Variants in MTUS2 observed in about 807,000 individuals in gnomAD.
The protein encoded by MTUS2 is microtubule-associated tumor suppressor candidate 2.
Under a neutral mutation model 114.1 loss-of-function variants are expected in MTUS2, and 40 were observed. The observed-to-expected ratio is 0.35, with a 90% CI of 0.27 to 0.46. The LOEUF is 0.46. MTUS2 is among the 20% of genes least tolerant of loss of function. MTUS2 has a pLI of 1.00. For missense variants in MTUS2, 1,679 were observed against 1,705.4 expected (o/e 0.98, Z 0.27); for synonymous variants, 688 against 672.0 (o/e 1.02, Z -0.37).
intron 8 of MTUS2, among the ~76,000 whole-genome samples, chr13:29,406,375 TG>T (rs1318549705): frequency 6.6e-6 from 1 of 152,156 alleles, no homozygotes; most frequent in Non-Finnish European, 1.5e-5. Flanking sequence ...AAAGCTGGAC[TG>T]GGGCTGGAGA....
intron 7 of MTUS2, among the ~76,000 whole-genome samples, chr13:29,334,017 T>TTTTTG (rs753238680): frequency 2.6e-5 from 4 of 152,142 alleles, no homozygotes; most frequent in Admixed American, 6.5e-5. Flanking sequence ...AACCCCTGTT[T>TTTTTG]TTTTGTTTTG....
intron 5 of MTUS2, among the ~76,000 whole-genome samples, chr13:29,189,476 T>TA (rs1894359426): frequency 6.6e-6 from 1 of 152,056 alleles, no homozygotes; most frequent in South Asian, 2.1e-4. Context: ...GTTAAGCTGT[T>TA]AAAACTGGTA....
intron 5 of MTUS2, among the ~76,000 whole-genome samples, chr13:29,164,204 C>A (rs1021707394): frequency 2.5e-4 from 38 of 152,214 alleles, no homozygotes; most frequent in African/African-American, 8.9e-4. Context: ...TGCTCTGTAA[C>A]CCCTCACCAG....
At chr13:28,836,851 G>A (rs924734000) in intron 1 of MTUS2, among the ~76,000 whole-genome samples, 1 of 152,202 alleles carries the variant, frequency 6.6e-6, no homozygotes, top group Non-Finnish European at 1.5e-5. Context: ...GCTTTAGAAT[G>A]CATTTCATAT....
intron 6 of MTUS2, among the ~76,000 whole-genome samples, chr13:29,300,474 G>A (rs190812742): frequency 6.6e-6 from 1 of 152,144 alleles, no homozygotes; most frequent in African/African-American, 2.4e-5. Context: ...TTCAACATTT[G>A]TATGTTTCAG....
At chr13:29,045,163 T>C (rs1330455390) in intron 4 of MTUS2, among the ~76,000 whole-genome samples, 6 of 152,212 alleles carry the variant, frequency 3.9e-5, no homozygotes, top group Non-Finnish European at 8.8e-5. Context: ...GTCATGAGAA[T>C]GGTATCTCAT....
At chr13:29,399,339 G>A (rs571261587) in intron 8 of MTUS2, among the ~76,000 whole-genome samples, 27 of 152,132 alleles carry the variant, frequency 1.8e-4, no homozygotes, top group Non-Finnish European at 2.2e-4. Flanking sequence ...ATCTTGTGCC[G>A]ACCTCCTGTC....
At chr13:29,134,031 A>G (rs1338361691) in intron 5 of MTUS2, among the ~76,000 whole-genome samples, 1 of 152,118 alleles carries the variant, frequency 6.6e-6, no homozygotes, top group Non-Finnish European at 1.5e-5. Flanking sequence ...TATGGCTACA[A>G]ATTTGCCCTT....
intron 2 of MTUS2, among the ~76,000 whole-genome samples, chr13:28,918,786 T>G (rs1263277497): frequency 6.6e-6 from 1 of 152,070 alleles, no homozygotes; most frequent in Non-Finnish European, 1.5e-5. Flanking sequence ...GTGAAGGTGA[T>G]GTTCTCTGGT....
intron 2 of MTUS2, among the ~76,000 whole-genome samples, chr13:28,989,647 G>A (rs1456823516): frequency 6.6e-6 from 1 of 152,190 alleles, no homozygotes; most frequent in South Asian, 2.1e-4. Context: ...CCCACAGGAG[G>A]CTGGATGGGG....
chr13:29,050,109 C>T (rs927680535), intron 4 of MTUS2, among the ~76,000 whole-genome samples: 21 of 152,288 alleles, frequency 1.4e-4, no homozygotes, highest in African/African-American at 3.6e-4. Flanking sequence ...ATTCCCCTTT[C>T]TCTCCTTACC....
At chr13:29,410,880 G>A (rs1253536023) in intron 8 of MTUS2, among the ~76,000 whole-genome samples, 1 of 152,144 alleles carries the variant, frequency 6.6e-6, no homozygotes, top group Non-Finnish European at 1.5e-5. Context: ...TGCCCAGGCT[G>A]GAGTGCAGTG....
At chr13:28,905,710 A>T (rs1879957772) in intron 2 of MTUS2, among the ~76,000 whole-genome samples, 1 of 151,522 alleles carries the variant, frequency 6.6e-6, no homozygotes, top group Non-Finnish European at 1.5e-5. Context: ...TTGGTCTAAA[A>T]TTCTCTTTTT....
At chr13:29,118,292 A>C (rs1451107011) in intron 5 of MTUS2, among the ~76,000 whole-genome samples, 1 of 150,866 alleles carries the variant, frequency 6.6e-6, no homozygotes, top group Non-Finnish European at 1.5e-5. Flanking sequence ...ACAGGGGAGG[A>C]GATGGATGCC....
intron 8 of MTUS2, among the ~76,000 whole-genome samples, chr13:29,436,691 C>T (rs996010286): frequency 1.4e-4 from 22 of 152,056 alleles, no homozygotes; most frequent in Admixed American, 6.6e-4. Flanking sequence ...ATTGGGTCTT[C>T]GTGATCTGTT....
chr13:29,034,100 C>G lies in MTUS2; in HGVS notation c.2421C>G (p.Thr807=). The stretch of plus-strand genomic sequence containing the variant: ...CACCAGGACCCATAACAACAGCCAC[C>G]AGTCTCTACAGTTCCGATCCTTCAG... ...IHPPGPITTA[T]SLYSSDPSAD... Residue 807 remains threonine, a synonymous_variant, in exon 4 of 16, where the codon ACC becomes ACG. Coordinates refer to ENST00000612955, the MANE Select transcript of MTUS2 (RefSeq NM_001033602.4). The G allele has an allele frequency of 6.8e-6, 11 of 1,614,050 alleles. No individual in the cohort carries two copies. The highest frequency in any genetic ancestry group is 9.3e-6 in the Non-Finnish European group (11 of 1,179,906).
At chr13:29,484,409 C>G (rs574115174) in intron 10 of MTUS2, among the ~76,000 whole-genome samples, 7 of 152,392 alleles carry the variant, frequency 4.6e-5, no homozygotes, top group African/African-American at 1.4e-4. Context: ...GCACCAGAGC[C>G]TGCCATCACA....
In MTUS2 at chr13:29,081,824, C is replaced by G. The variant is rs145828244; in HGVS notation, c.2447-18949C>G. Among the ~76,000 whole-genome samples, 349 of 151,964 alleles carry G rather than the reference C, an allele frequency of 2.3e-3. 2 individuals carry two copies. Among genetic ancestry groups the G allele is most frequent in the African/African-American group, 8.3e-3 (342 of 41,450 alleles). On this transcript the variant is annotated intron_variant, in intron 4 of 15. Transcript: ENST00000612955. ...TTTGTTTTACCCCAAGTGTGGCAAC[C>G]TTGAACGAGAAATTGTTGTGGTCTT...
intron 2 of MTUS2, among the ~76,000 whole-genome samples, chr13:28,965,630 A>G (rs964729504): frequency 2.0e-5 from 3 of 152,162 alleles, no homozygotes; most frequent in African/African-American, 4.8e-5. Context: ...GTGTGTATAT[A>G]TATGATAAGA....
Sources: allele counts gnomAD v4.1 joint callset (sites outside exome capture counted in the v4.1 genomes callset), GRCh38; gene constraint gnomAD v4.1.1; transcripts MANE v1.5; gene names NCBI Gene and HGNC (gene_info 2026-07-23, HGNC 2026-07-21).